The following CSMD1 variants were observed in gnomAD, a reference collection of about 807,000 sequenced individuals.
CSMD1 encodes CUB and sushi domain-containing protein 1.
CSMD1 carries 213 observed loss-of-function variants against 417.5 expected under a neutral mutation model. The ratio of observed to expected loss-of-function variants is 0.51; its 90% CI spans 0.46 to 0.57. The LOEUF (loss-of-function observed/expected upper bound fraction) is 0.57. Ranked by LOEUF, CSMD1 falls within the 20% of genes least tolerant of loss-of-function variation. The pLI, the probability that CSMD1 is intolerant of heterozygous loss-of-function variation, is 0.00. For missense variants in CSMD1, 6,923 were observed against 4,529.7 expected, an observed-to-expected ratio of 1.53 and a Z score of -15.17; for synonymous variants, 2,862 against 1,736.8, an observed-to-expected ratio of 1.65 and a Z score of -16.11.
intron 3 of CSMD1, among the ~76,000 whole-genome samples, chr8:4,275,145 T>G (rs1172604238): frequency 6.6e-6 from 1 of 152,088 alleles, no homozygotes; most frequent in African/African-American, 2.4e-5. Context: ...AATAAAAGAG[T>G]AGCTTTTACG....
At chr8:4,725,095 C>A (rs935211465) in intron 1 of CSMD1, among the ~76,000 whole-genome samples, 1 of 152,008 alleles carries the variant, frequency 6.6e-6, no homozygotes, top group African/African-American at 2.4e-5. Context: ...CCGAACTTTT[C>A]AAATTAAATG....
intron 7 of CSMD1, among the ~76,000 whole-genome samples, chr8:3,636,680 T>C (rs1415911029): frequency 3.9e-5 from 6 of 152,314 alleles, no homozygotes; most frequent in Middle Eastern, 3.4e-3. Flanking sequence ...CTTGATCCTG[T>C]GGAGAGGTGA....
At chr8:4,955,531 C>T (rs924257196) in intron 1 of CSMD1, among the ~76,000 whole-genome samples, 2 of 151,908 alleles carry the variant, frequency 1.3e-5, no homozygotes, top group Non-Finnish European at 2.9e-5. Flanking sequence ...TCTCGGCACA[C>T]TGCAACCTCC....
chr8:4,038,966 T>G (rs559733891), intron 3 of CSMD1, among the ~76,000 whole-genome samples: 21 of 152,346 alleles, frequency 1.4e-4, no homozygotes, highest in Non-Finnish European at 2.6e-4. Flanking sequence ...AATTGGGCTA[T>G]CACATCAAAC....
chr8:4,343,421 A>G (rs1800594335), intron 3 of CSMD1, among the ~76,000 whole-genome samples: 1 of 152,114 alleles, frequency 6.6e-6, no homozygotes, highest in South Asian at 2.1e-4. Flanking sequence ...ACCATAAAAA[A>G]ATTATTAAAA....
intron 7 of CSMD1, among the ~76,000 whole-genome samples, chr8:3,666,484 A>C (rs192261923): frequency 3.0e-5 from 4 of 135,434 alleles, no homozygotes; most frequent in African/African-American, 1.1e-4. Flanking sequence ...GTTAACATGC[A>C]CAGGGCCAGG....
intron 1 of CSMD1, among the ~76,000 whole-genome samples, chr8:4,844,531 G>C (rs1561359): frequency 6.6e-6 from 1 of 151,878 alleles, no homozygotes; most frequent in Non-Finnish European, 1.5e-5. Context: ...TGCCTGCTGC[G>C]ACTGGCTCGA....
intron 3 of CSMD1, among the ~76,000 whole-genome samples, chr8:4,417,339 C>G (rs1015670813): frequency 3.9e-5 from 6 of 151,956 alleles, no homozygotes; most frequent in Non-Finnish European, 8.8e-5. Context: ...AAAGCCTATT[C>G]CAAAGTACTG....
intron 3 of CSMD1, among the ~76,000 whole-genome samples, chr8:4,164,912 T>C (rs1417533194): frequency 1.3e-5 from 2 of 151,596 alleles, no homozygotes; most frequent in Admixed American, 6.6e-5. Flanking sequence ...TGTATATATA[T>C]AGTTTGATAG....
chr8:4,278,438 G>A (rs866524318), intron 3 of CSMD1, among the ~76,000 whole-genome samples: 3 of 152,114 alleles, frequency 2.0e-5, no homozygotes, highest in Non-Finnish European at 4.4e-5. Context: ...ATCTGATGCT[G>A]CTATAGCTAT....
At chr8:4,341,841 G>A (rs1033409076) in intron 3 of CSMD1, among the ~76,000 whole-genome samples, 4 of 152,112 alleles carry the variant, frequency 2.6e-5, no homozygotes, top group South Asian at 2.1e-4. Flanking sequence ...AATAACAGAA[G>A]GATGCTTCAC....
At chr8:3,942,498 C>G (rs1410997725) in intron 5 of CSMD1, among the ~76,000 whole-genome samples, 1 of 152,126 alleles carries the variant, frequency 6.6e-6, no homozygotes, top group Non-Finnish European at 1.5e-5. Flanking sequence ...AGCAATTTAC[C>G]TTCAGGGACT....
intron 5 of CSMD1, among the ~76,000 whole-genome samples, chr8:3,803,560 T>A (rs919989580): frequency 2.0e-5 from 3 of 151,708 alleles, no homozygotes; most frequent in African/African-American, 7.3e-5. Flanking sequence ...AGCCCACAGG[T>A]GGGAAAGGCT....
intron 7 of CSMD1, among the ~76,000 whole-genome samples, chr8:3,701,266 G>A (rs900879735): frequency 1.3e-5 from 2 of 152,122 alleles, no homozygotes; most frequent in Non-Finnish European, 2.9e-5. Flanking sequence ...ATCATCTCGG[G>A]ACAACTTTCC....
chr8:4,056,951 T>C (rs142197729), intron 3 of CSMD1, among the ~76,000 whole-genome samples: 2,289 of 152,268 alleles, frequency 0.015, 55 homozygotes, highest in East Asian at 0.089. Flanking sequence ...GACATTTGGG[T>C]TGGTTCCAAG....
At chr8:3,840,491 T>G (rs775998403) in intron 5 of CSMD1, among the ~76,000 whole-genome samples, 1 of 152,222 alleles carries the variant, frequency 6.6e-6, no homozygotes, top group Non-Finnish European at 1.5e-5. Flanking sequence ...AATCATTGAC[T>G]GAATAAAAAA....
rs541998006 is a variant in CSMD1 at position 4,404,059 on chromosome 8, C to G, written c.415+15894G>C. 3.3e-5 allele frequency among the ~76,000 whole-genome samples: 5 copies of G among 152,170 alleles called. No individual in the cohort carries two copies. In the East Asian group the frequency reaches 5.8e-4, roughly 18 times the overall value. On this transcript the variant is annotated intron_variant, in intron 3 of 69. Coordinates refer to ENST00000635120, the MANE Select transcript of CSMD1 (RefSeq NM_033225.6). The stretch of plus-strand genomic sequence containing the variant: ...ACATCCAGACTTATCCAAAAACACT[C>G]TACGCCAGAGCTTTTTACGTGCTTT...
At chr8:4,395,751 C>T (rs1020039023) in intron 3 of CSMD1, among the ~76,000 whole-genome samples, 3 of 146,900 alleles carry the variant, frequency 2.0e-5, no homozygotes, top group African/African-American at 7.5e-5. Context: ...GCTGTGTAAG[C>T]ATTTGTAAAA....
intron 18 of CSMD1, among the ~76,000 whole-genome samples, chr8:3,372,899 T>C (rs1810062730): frequency 6.6e-6 from 1 of 152,078 alleles, no homozygotes; most frequent in Non-Finnish European, 1.5e-5. Flanking sequence ...GCGCACCGCG[T>C]AGTGGGAAGA....
Sources: gnomAD v4.1 joint callset for allele counts (sites outside exome capture counted in the v4.1 genomes callset) on GRCh38, gnomAD v4.1.1 for gene constraint, MANE v1.5 for transcripts, NCBI Gene and HGNC (gene_info 2026-07-23, HGNC 2026-07-21) for gene names.